The following SCG5 variants were observed in gnomAD, a reference collection of about 807,000 sequenced individuals.
SCG5 encodes secretogranin V.
A neutral mutation model predicts 25.7 loss-of-function variants in SCG5; 18 were observed. That is an observed-to-expected ratio of 0.70 (90% CI 0.48 to 1.04). The LOEUF (loss-of-function observed/expected upper bound fraction) is 1.04, where lower values mean the gene tolerates loss of function less well. Among genes scored for constraint, SCG5 ranks in the 50% least tolerant of loss-of-function variants. The probability of loss-of-function intolerance (pLI) is 0.00; values close to 1 mark genes in which losing one functional copy is unlikely to be tolerated. For synonymous variants in SCG5, 101 were observed against 91.7 expected (o/e 1.10, Z -0.58); for missense variants, 206 against 259.8 (o/e 0.79, Z 1.42).
chr15:32,674,465 T>C (rs957424695), intron 2 of SCG5, among the ~76,000 whole-genome samples: 1 of 152,166 alleles, frequency 6.6e-6, no homozygotes, highest in African/African-American at 2.4e-5. Flanking sequence ...AGTAAAACTT[T>C]GGGGGTCAGA....
At chr15:32,645,256 A>AT (rs2053923704) in intron 2 of SCG5, among the ~76,000 whole-genome samples, 2 of 152,338 alleles carry the variant, frequency 1.3e-5, no homozygotes, top group East Asian at 3.9e-4. Context: ...AGCTGTTGTC[A>AT]TGGAGTTCTC....
At chr15:32,657,209 A>ATATATATATATATATATATG in intron 2 of SCG5, among the ~76,000 whole-genome samples, 1,130 of 38,604 alleles carry the variant, frequency 0.029, 270 homozygotes, top group African/African-American at 0.051. Flanking sequence ...GTATATATAT[A>ATATATATATATATATATATG]TATGTATGTA....
intron 3 of SCG5, among the ~76,000 whole-genome samples, chr15:32,683,217 T>A (rs2054649212): frequency 6.6e-6 from 1 of 152,194 alleles, no homozygotes; most frequent in Non-Finnish European, 1.5e-5. Flanking sequence ...TTAAGAGCAG[T>A]GTCAAGAACT....
intron 2 of SCG5, among the ~76,000 whole-genome samples, chr15:32,664,757 T>C (rs2054291685): frequency 6.6e-6 from 1 of 152,218 alleles, no homozygotes; most frequent in Non-Finnish European, 1.5e-5. Flanking sequence ...TCCTGCTAAG[T>C]CACCTCCACT....
At chr15:32,642,815 A>C (rs1421575049) in intron 1 of SCG5, among the ~76,000 whole-genome samples, 1 of 152,142 alleles carries the variant, frequency 6.6e-6, no homozygotes, top group African/African-American at 2.4e-5. Flanking sequence ...TTAGCAACAT[A>C]ATAATAGCAA....
chr15:32,659,361 G>C lies in SCG5; in HGVS notation c.226+15543G>C, dbSNP rs115960937. Among the ~76,000 whole-genome samples, 699 of 152,306 alleles carry C rather than the reference G, an allele frequency of 4.6e-3. 6 individuals carry two copies. The highest frequency in any genetic ancestry group is 0.016 in the African/African-American group (680 of 41,562). On this transcript the variant is annotated intron_variant, in intron 2 of 5. Transcript: ENST00000300175. ...TTGATTATAAGCTCCCAGAGTGTCAGACACGGACTTCTCATGGCAAGTTAG... is the reference window on the plus strand; with the variant it reads ...TTGATTATAAGCTCCCAGAGTGTCACACACGGACTTCTCATGGCAAGTTAG...
At chr15:32,687,734 G>A (rs1418748726) in intron 4 of SCG5, among the ~76,000 whole-genome samples, 1 of 152,204 alleles carries the variant, frequency 6.6e-6, no homozygotes, top group African/African-American at 2.4e-5. Flanking sequence ...ATCTTTAACA[G>A]TGATTCACAT....
At chr15:32,688,958 CAA>C (rs778404784) in intron 4 of SCG5, among the ~76,000 whole-genome samples, 1 of 46,392 alleles carries the variant, frequency 2.2e-5, no homozygotes, top group African/African-American at 5.6e-5. Context: ...GACTCCGTCT[CAA>C]AAAAAAAAAA....
At chr15:32,671,166 C>T (rs1452960625) in intron 2 of SCG5, among the ~76,000 whole-genome samples, 2 of 152,058 alleles carry the variant, frequency 1.3e-5, no homozygotes, top group South Asian at 2.1e-4. Context: ...AACTCAGGGC[C>T]CTAACAACAG....
chr15:32,681,156 A>G (rs1234878596), intron 3 of SCG5, among the ~76,000 whole-genome samples: 1 of 152,208 alleles, frequency 6.6e-6, no homozygotes, highest in African/African-American at 2.4e-5. Flanking sequence ...AGCTTCTAGC[A>G]CCAGAGTAGT....
intron 2 of SCG5, among the ~76,000 whole-genome samples, chr15:32,661,229 A>T (rs2054212787): frequency 6.6e-6 from 1 of 152,236 alleles, no homozygotes; most frequent in Admixed American, 6.5e-5. Context: ...CCTCGGTACC[A>T]TTTAGATGTG....
chr15:32,657,199 G>GTATATATATATATATATATATATATATA (rs71113463), intron 2 of SCG5, among the ~76,000 whole-genome samples: 111 of 6,652 alleles, frequency 0.017, 34 homozygotes, highest in Admixed American at 0.03. Flanking sequence ...TCATCCTCCT[G>GTATATATATATATATATATATATATATA]TATATATATA....
At chr15:32,690,934 C>T (rs1373456650) in intron 4 of SCG5, among the ~76,000 whole-genome samples, 1 of 151,136 alleles carries the variant, frequency 6.6e-6, no homozygotes, top group African/African-American at 2.4e-5. Flanking sequence ...CCCCCCCCAC[C>T]GCCACCAAAT....
intron 2 of SCG5, among the ~76,000 whole-genome samples, chr15:32,657,197 C>CTGTGTGTA (rs1567073356): frequency 9.3e-4 from 4 of 4,294 alleles, no homozygotes; most frequent in African/African-American, 2.8e-3. Flanking sequence ...TTTCATCCTC[C>CTGTGTGTA]TGTATATATA....
At chr15:32,669,893 C>T (rs2054390879) in intron 2 of SCG5, among the ~76,000 whole-genome samples, 1 of 151,634 alleles carries the variant, frequency 6.6e-6, no homozygotes, top group Non-Finnish European at 1.5e-5. Context: ...TACACGTTTT[C>T]TCCTTTTGGA....
At chr15:32,661,723 T>A (rs2054222775) in intron 2 of SCG5, among the ~76,000 whole-genome samples, 1 of 152,202 alleles carries the variant, frequency 6.6e-6, no homozygotes, top group Admixed American at 6.5e-5. Flanking sequence ...AGAGGCTTTG[T>A]TTTTTCTGCC....
At chr15:32,646,195 G>C (rs1292218184) in intron 2 of SCG5, among the ~76,000 whole-genome samples, 1 of 152,186 alleles carries the variant, frequency 6.6e-6, no homozygotes, top group Non-Finnish European at 1.5e-5. Context: ...TTCTATTACT[G>C]TATAACAAAT....
intron 2 of SCG5, among the ~76,000 whole-genome samples, chr15:32,677,092 A>G (rs1250472796): frequency 1.3e-5 from 2 of 152,230 alleles, no homozygotes; most frequent in East Asian, 1.9e-4. Context: ...TACAAAAATA[A>G]TATGGTAGTT....
chr15:32,677,362 G>A (rs961630159), intron 2 of SCG5, among the ~76,000 whole-genome samples: 2 of 152,178 alleles, frequency 1.3e-5, no homozygotes, highest in Non-Finnish European at 2.9e-5. Flanking sequence ...GTGATGCAAT[G>A]TCACTTCAGA....
Sources: gnomAD v4.1 joint callset for allele counts (sites outside exome capture counted in the v4.1 genomes callset) on GRCh38, gnomAD v4.1.1 for gene constraint, MANE v1.5 for transcripts, NCBI Gene and HGNC (gene_info 2026-07-23, HGNC 2026-07-21) for gene names.